Variants in PHLDB2 observed in about 807,000 individuals in gnomAD.
PHLDB2 encodes the protein pleckstrin homology like domain family B member 2.
PHLDB2 carries 71 observed loss-of-function variants against 123.6 expected under a neutral mutation model. The observed-to-expected ratio is 0.57, with a 90% CI of 0.47 to 0.70. The LOEUF (loss-of-function observed/expected upper bound fraction) is 0.70, where lower values mean the gene tolerates loss of function less well. PHLDB2 is among the 30% of genes least tolerant of loss of function. The pLI is 0.00. For synonymous variants in PHLDB2, 547 were observed against 541.6 expected, an observed-to-expected ratio of 1.01 and a Z score of -0.14; for missense variants, 1,446 against 1,519.5, an observed-to-expected ratio of 0.95 and a Z score of 0.80.
intron 2 of PHLDB2, among the ~76,000 whole-genome samples, chr3:111,901,204 A>G (rs901772016): frequency 9.6e-6 from 1 of 103,756 alleles, no homozygotes; most frequent in African/African-American, 3.7e-5. Flanking sequence ...CTAAAAATAC[A>G]AAAAAATTAG....
rs530743425 is a variant in PHLDB2 at position 111,819,311 on chromosome 3, C to T, written c.-48-26510C>T. On this transcript the variant is annotated intron_variant, in intron 1 of 17. Coordinates refer to the PHLDB2 transcript ENST00000393923. Reference sequence around the variant, plus strand: ...ATAGCACCATCCTAGTTTACAACGACAAATCTTCGAGACTTCAAACATGTA... The same window carrying T: ...ATAGCACCATCCTAGTTTACAACGATAAATCTTCGAGACTTCAAACATGTA... 2.0e-5 allele frequency among the ~76,000 whole-genome samples: 3 copies of T among 152,312 alleles called. No individual in the cohort carries two copies. In the South Asian group the frequency reaches 6.2e-4, roughly 32 times the overall value.
chr3:111,820,742 AGAG>A (rs2062332195), intron 1 of PHLDB2, among the ~76,000 whole-genome samples: 1 of 152,238 alleles, frequency 6.6e-6, no homozygotes, highest in Non-Finnish European at 1.5e-5. Flanking sequence ...AGGAGGAAGA[AGAG>A]GAGTAAAGCA....
intron 6 of PHLDB2, among the ~76,000 whole-genome samples, chr3:111,934,609 A>G (rs886788795): frequency 2.0e-5 from 3 of 152,244 alleles, no homozygotes; most frequent in Non-Finnish European, 4.4e-5. Flanking sequence ...TCCTACCTTT[A>G]AACATGATGT....
intron 1 of PHLDB2, among the ~76,000 whole-genome samples, chr3:111,788,057 C>T (rs1247014787): frequency 6.6e-6 from 1 of 152,170 alleles, no homozygotes; most frequent in Non-Finnish European, 1.5e-5. Context: ...AGTCTTCTCA[C>T]TTTAACCAAG....
chr3:111,783,888 G>T (rs1456185232), intron 1 of PHLDB2, among the ~76,000 whole-genome samples: 1 of 152,052 alleles, frequency 6.6e-6, no homozygotes, highest in African/African-American at 2.4e-5. Flanking sequence ...GACAAAGTTT[G>T]TTATCTTTAA....
intron 1 of PHLDB2, among the ~76,000 whole-genome samples, chr3:111,771,551 G>C (rs2060177579): frequency 6.6e-6 from 1 of 152,100 alleles, no homozygotes; most frequent in African/African-American, 2.4e-5. Context: ...ACGTGGGCCA[G>C]ACTGGTCTCG....
chr3:111,911,502 C>A, intron 2 of PHLDB2: 1 of 866,392 alleles, frequency 1.2e-6, no homozygotes, highest in South Asian at 1.7e-5. Flanking sequence ...TAAAATAAGG[C>A]AATGAAGGCT....
chr3:111,772,223 T>C (rs2060191650), intron 1 of PHLDB2, among the ~76,000 whole-genome samples: 1 of 152,192 alleles, frequency 6.6e-6, no homozygotes, highest in Non-Finnish European at 1.5e-5. Flanking sequence ...TTACTGTTAC[T>C]ATTTTTCCAG....
rs11391498 is a variant in PHLDB2 at position 111,766,443 on chromosome 3, C to CAA, written c.-49+33755_-49+33756dup. On this transcript the variant is annotated intron_variant, in intron 1 of 17. Coordinates refer to the PHLDB2 transcript ENST00000393923. ...TGGGCGACAGAGTGAGACTCTGTCT[C>CAA]AAAAAAAAAAAAAAAAGAATCTGAT... Among the ~76,000 whole-genome samples, 401 of 112,312 alleles carry CAA rather than the reference C, an allele frequency of 3.6e-3. 3 individuals carry two copies. Among genetic ancestry groups the CAA allele is most frequent in the African/African-American group, 8.3e-3 (256 of 30,904 alleles). 73.7% of individuals were successfully genotyped at this position (112,312 alleles called of 152,430 possible).
chr3:111,961,639 A>C (rs1043941127), intron 12 of PHLDB2, among the ~76,000 whole-genome samples: 4 of 152,236 alleles, frequency 2.6e-5, no homozygotes, highest in Non-Finnish European at 5.9e-5. Context: ...CTGAAATCCT[A>C]CACTTGAAAG....
chr3:111,740,234 G>A (rs2059580019), intron 1 of PHLDB2, among the ~76,000 whole-genome samples: 1 of 152,060 alleles, frequency 6.6e-6, no homozygotes, highest in African/African-American at 2.4e-5. Flanking sequence ...CACAAGTGAT[G>A]GCAAAGAACC....
chr3:111,880,070 A>G (rs1196403907), intron 1 of PHLDB2, among the ~76,000 whole-genome samples: 3 of 143,722 alleles, frequency 2.1e-5, no homozygotes, highest in Non-Finnish European at 3.0e-5. Context: ...TTTTGAAGTC[A>G]TTTACAACAT....
chr3:111,776,465 C>T (rs557704447), intron 1 of PHLDB2, among the ~76,000 whole-genome samples: 20 of 152,132 alleles, frequency 1.3e-4, no homozygotes, highest in Middle Eastern at 3.4e-3. Flanking sequence ...ACTGAGTGCA[C>T]GTTCCTACAT....
At position 111,920,793 on chromosome 3, in the gene PHLDB2, G is replaced by A. The variant is rs1460320438; in HGVS notation, c.2001+374G>A. On this transcript the variant is annotated intron_variant, in intron 5 of 17. Transcript: ENST00000431670. ...GTTCTTTACCACTGCTGCCCTGTAG[G>A]GATGGCTTAAGCAAATTCAAATAGG... Among the ~76,000 whole-genome samples the A allele has an allele frequency of 5.3e-5, 8 of 152,088 alleles. No homozygotes were observed. The East Asian group carries it at 1.5e-3, about 29-fold the overall frequency.
rs1183150539 is a variant in PHLDB2, at chr3:111,913,475, G to C, written c.1492G>C (p.Ala498Pro). The change falls in exon 3 of 18, where the codon GCC becomes CCC. Residue 498 changes from alanine (A) to proline (P), a missense_variant. By Grantham distance (27) the Ala-to-Pro change is conservative. Around this residue, in one of 3 missense-constraint regions of PHLDB2, gnomAD observed 832 missense variants for 831.9 expected, o/e 1.00. Transcript: ENST00000431670. ...TGATGAGGAGTCTGTGTTTGAGGAAGCCCTCATGAGCCCTGACACAAGATA... is the reference window on the plus strand; with the variant it reads ...TGATGAGGAGTCTGTGTTTGAGGAACCCCTCATGAGCCCTGACACAAGATA... ...LSDEESVFEE[A>P]LMSPDTRYRC... 2 of 1,614,120 alleles carry C rather than the reference G, an allele frequency of 1.2e-6. No homozygotes were observed. Among genetic ancestry groups the C allele is most frequent in the South Asian group, 2.2e-5 (2 of 91,072 alleles).
chr3:111,881,142 C>T (rs1230223739), intron 1 of PHLDB2, among the ~76,000 whole-genome samples: 1 of 152,232 alleles, frequency 6.6e-6, no homozygotes, highest in African/African-American at 2.4e-5. Flanking sequence ...TACCTGCTGG[C>T]ATAGCTGCAG....
At chr3:111,856,984 A>G (rs2064539741), upstream of PHLDB2, among the ~76,000 whole-genome samples, 1 of 152,204 alleles carries the variant, frequency 6.6e-6, no homozygotes, top group African/African-American at 2.4e-5. Context: ...CCTGAGCAAC[A>G]CGGTGACATT....
chr3:111,932,928 C>G (rs999459131), intron 6 of PHLDB2, among the ~76,000 whole-genome samples: 1 of 152,214 alleles, frequency 6.6e-6, no homozygotes, highest in Non-Finnish European at 1.5e-5. Flanking sequence ...ACCCAAGATG[C>G]AGGGCATTAC....
intron 1 of PHLDB2, among the ~76,000 whole-genome samples, chr3:111,782,110 T>C (rs1359723304): frequency 6.6e-6 from 1 of 152,100 alleles, no homozygotes; most frequent in Non-Finnish European, 1.5e-5. Context: ...AGATAGGATG[T>C]AATAGAGAAA....
Sources: allele counts gnomAD v4.1 joint callset (sites outside exome capture counted in the v4.1 genomes callset), GRCh38; gene constraint gnomAD v4.1.1; regional missense constraint gnomAD v4.1.1; transcripts MANE v1.5; gene names NCBI Gene and HGNC (gene_info 2026-07-23, HGNC 2026-07-21).